The following EDA variants were observed in gnomAD, a reference collection of about 807,000 sequenced individuals.
The protein encoded by EDA is ectodysplasin A.
Under a neutral mutation model 23.6 loss-of-function variants are expected in EDA, and 2 were observed. The observed-to-expected ratio is 0.08, with a 90% confidence interval of 0.03 to 0.27. The LOEUF (loss-of-function observed/expected upper bound fraction) is 0.27. Ranked by LOEUF, EDA falls within the 10% of genes least tolerant of loss-of-function variation. EDA has a pLI of 1.00. For missense variants in EDA, 229 were observed against 324.2 expected (o/e 0.71, Z 2.26); for synonymous variants, 131 against 132.0 (o/e 0.99, Z 0.05).
chrX:70,005,754 A>G (rs777536000), intron 2 of EDA, among the ~76,000 whole-genome samples: 1 of 110,869 alleles, frequency 9.0e-6, no homozygotes, highest in East Asian at 2.9e-4. Context: ...ACTACATGCC[A>G]TGCAGTGTTG....
chrX:69,672,745 G>T (rs1243236013), intron 1 of EDA: 1 of 111,116 alleles, frequency 9.0e-6, no homozygotes, highest in Non-Finnish European at 1.9e-5. Context: ...AGCCGGGCGT[G>T]GTGGTGGGCA....
At chrX:69,902,355 T>C (rs747181972) in intron 1 of EDA, among the ~76,000 whole-genome samples, 1 of 111,714 alleles carries the variant, frequency 9.0e-6, no homozygotes, top group South Asian at 3.7e-4. Flanking sequence ...TTATACCTTC[T>C]CTCAGAAACA....
In EDA at chrX:69,628,012, C is replaced by T. The variant is rs753484967; in HGVS notation, c.396+11308C>T. 3.6e-5 allele frequency among the ~76,000 whole-genome samples: 4 copies of T among 111,830 alleles called. No homozygotes were observed. In the South Asian group the frequency reaches 1.5e-3, roughly 42 times the overall value. On this transcript the variant is annotated intron_variant, in intron 1 of 7. Coordinates refer to ENST00000374552, the MANE Select transcript of EDA (RefSeq NM_001399.5). ...ATTTTCTCCATGTATATCCACCTGT[C>T]AGTGGGCCTGCACTTCAGAGATGAA... is the stretch of plus-strand genomic sequence containing the variant.
intron 1 of EDA, among the ~76,000 whole-genome samples, chrX:69,761,508 G>A (rs2520389): frequency 0.3 from 33,650 of 111,254 alleles, 4,750 homozygotes; most frequent in Middle Eastern, 0.55. Flanking sequence ...ATTAACTGAC[G>A]TTTTAGTAAG....
At chrX:69,789,632 C>G (rs1454558469) in intron 1 of EDA, among the ~76,000 whole-genome samples, 1 of 112,153 alleles carries the variant, frequency 8.9e-6, no homozygotes, top group Non-Finnish European at 1.9e-5. Context: ...TACCCTCTCA[C>G]AAGTATTCCT....
intron 1 of EDA, among the ~76,000 whole-genome samples, chrX:69,807,334 T>A (rs1266832724): frequency 9.6e-6 from 1 of 104,059 alleles, no homozygotes; most frequent in African/African-American, 3.5e-5. Context: ...CTATTGCTGG[T>A]AAAAGTGAGA....
chrX:69,707,828 G>T (rs1387814183), intron 1 of EDA, among the ~76,000 whole-genome samples: 1 of 111,348 alleles, frequency 9.0e-6, no homozygotes, highest in Non-Finnish European at 1.9e-5. Context: ...TCCAGTTTCT[G>T]TCTGACCCAG....
At chrX:69,964,862 T>G (rs1207471968) in intron 2 of EDA, among the ~76,000 whole-genome samples, 1 of 111,853 alleles carries the variant, frequency 8.9e-6, no homozygotes, top group African/African-American at 3.2e-5. Context: ...CTCTTCAGTC[T>G]CAAAGATAAG....
At chrX:69,700,298 G>C (rs1362551084) in intron 1 of EDA, among the ~76,000 whole-genome samples, 2 of 111,597 alleles carry the variant, frequency 1.8e-5, no homozygotes, top group Admixed American at 1.9e-4. Context: ...GTATGCATGT[G>C]AGCTGGTGTG....
At chrX:69,664,955 C>T (rs1933634121) in intron 1 of EDA, among the ~76,000 whole-genome samples, 1 of 111,972 alleles carries the variant, frequency 8.9e-6, no homozygotes, top group Admixed American at 9.5e-5. Flanking sequence ...CTCTTTTCTC[C>T]ATGCCTGTGG....
intron 1 of EDA, among the ~76,000 whole-genome samples, chrX:69,749,095 CT>C (rs1169900788): frequency 1.4e-5 from 1 of 71,588 alleles, no homozygotes; most frequent in Non-Finnish European, 2.6e-5. Context: ...CCCCTCCCCC[CT>C]CCCCACCACA....
intron 1 of EDA, among the ~76,000 whole-genome samples, chrX:69,811,829 A>AGGTG (rs2015964593): frequency 8.9e-6 from 1 of 111,912 alleles, no homozygotes; most frequent in African/African-American, 3.2e-5. Context: ...TATTGTGGTT[A>AGGTG]GGTGGTGGGG....
rs183459613 is a variant in EDA at position 69,665,568 on chromosome X, C to G, written c.396+48864C>G. ...CCATTTATTGAAGAGACTACCCTTT[C>G]CCCATTGTGTTCTCTTGGTGCCGTT... On this transcript the variant is annotated intron_variant, in intron 1 of 7. Coordinates refer to ENST00000374552, the MANE Select transcript of EDA (RefSeq NM_001399.5). 4.5e-5 allele frequency among the ~76,000 whole-genome samples: 5 copies of G among 111,443 alleles called. No individual in the cohort carries two copies. The East Asian group carries it at 1.4e-3, about 31-fold the overall frequency.
chrX:69,828,467 G>A (rs184399171), intron 1 of EDA, among the ~76,000 whole-genome samples: 103 of 111,880 alleles, frequency 9.2e-4, no homozygotes, highest in African/African-American at 3.1e-3. Flanking sequence ...GATTTTCCAG[G>A]TGCCGTTTGT....
intron 1 of EDA, among the ~76,000 whole-genome samples, chrX:69,847,278 G>A (rs1042408639): frequency 9.0e-6 from 1 of 111,642 alleles, no homozygotes; most frequent in Non-Finnish European, 1.9e-5. Flanking sequence ...AAATATTGGG[G>A]ATACTGATAA....
At chrX:69,978,518 AAAG>A (rs1158421892) in intron 2 of EDA, among the ~76,000 whole-genome samples, 8 of 91,410 alleles carry the variant, frequency 8.8e-5, no homozygotes, top group Admixed American at 3.4e-4. Context: ...AAAAAAAAAA[AAAG>A]AAAGAAAGAA....
At chrX:69,857,971 G>A (rs1324800462) in intron 1 of EDA, among the ~76,000 whole-genome samples, 1 of 111,584 alleles carries the variant, frequency 9.0e-6, no homozygotes, top group Non-Finnish European at 1.9e-5. Context: ...GTATTCCTAG[G>A]TATTTTATTC....
chrX:69,825,974 A>G (rs1274218432), intron 1 of EDA, among the ~76,000 whole-genome samples: 1 of 107,742 alleles, frequency 9.3e-6, no homozygotes, highest in Admixed American at 1.0e-4. Context: ...GTCATTCAGG[A>G]GCAGGTTGTT....
At chrX:69,645,286 G>T (rs1324332543) in intron 1 of EDA, among the ~76,000 whole-genome samples, 2 of 108,953 alleles carry the variant, frequency 1.8e-5, no homozygotes, top group African/African-American at 6.7e-5. Flanking sequence ...ACTCATTATT[G>T]GTCTATTCAA....
Sources: gnomAD v4.1 joint callset for allele counts (sites outside exome capture counted in the v4.1 genomes callset) on GRCh38, gnomAD v4.1.1 for gene constraint, MANE v1.5 for transcripts, NCBI Gene and HGNC (gene_info 2026-07-23, HGNC 2026-07-21) for gene names.